The following PCDHGA5 variants were observed in gnomAD, a reference collection of about 807,000 sequenced individuals.
PCDHGA5 encodes protocadherin gamma subfamily A, 5.
A neutral mutation model predicts 56.7 loss-of-function variants in PCDHGA5; 36 were observed. The observed-to-expected ratio is 0.64, with a 90% confidence interval of 0.49 to 0.84. The LOEUF (loss-of-function observed/expected upper bound fraction) is 0.84. Among genes scored for constraint, PCDHGA5 ranks in the 40% least tolerant of loss-of-function variants. PCDHGA5 has a pLI of 0.00. For missense variants in PCDHGA5, 1,305 were observed against 1,201.5 expected, an observed-to-expected ratio of 1.09 and a Z score of -1.27; for synonymous variants, 563 against 520.2, an observed-to-expected ratio of 1.08 and a Z score of -1.12.
intron 2 of PCDHGA5, among the ~76,000 whole-genome samples, chr5:141,499,869 G>A (rs1247615457): frequency 3.3e-5 from 5 of 151,938 alleles, no homozygotes; most frequent in Non-Finnish European, 5.9e-5. Context: ...TGTATTTTCA[G>A]TACAAACAGG....
At chr5:141,443,126 A>G (rs972396091) in intron 1 of PCDHGA5, among the ~76,000 whole-genome samples, 1 of 152,190 alleles carries the variant, frequency 6.6e-6, no homozygotes, top group Non-Finnish European at 1.5e-5. Context: ...AACCAGATTA[A>G]GAACACTATC....
intron 1 of PCDHGA5, chr5:141,392,941 C>T (rs780347240): frequency 6.2e-7 from 1 of 1,613,940 alleles, no homozygotes. Context: ...GACAAAGGCT[C>T]CTTCGTGGGT....
chr5:141,415,521 G>T lies in PCDHGA5; in HGVS notation c.2421+48770G>T, dbSNP rs1357538686. 2.5e-6 allele frequency: 4 copies of T among 1,614,070 alleles called. No individual in the cohort carries two copies. The African/African-American group carries it at 5.3e-5, about 22-fold the overall frequency. Reference sequence around the variant, plus strand: ...TCCCCCAGCCCAATTATGCGGACACGCTCATCAGCCAGGAGAGCTGTGAGA... The same window carrying T: ...TCCCCCAGCCCAATTATGCGGACACTCTCATCAGCCAGGAGAGCTGTGAGA... On this transcript the variant is annotated intron_variant, in intron 1 of 3. Coordinates refer to ENST00000518069, the MANE Select transcript of PCDHGA5 (RefSeq NM_018918.3).
chr5:141,426,310 A>G, intron 1 of PCDHGA5: 1 of 173,588 alleles, frequency 5.8e-6, no homozygotes. Context: ...GAAGCAGAGA[A>G]GCAGGACCCG....
Position 141,388,565 on chromosome 5 carries a change from G to C in PCDHGA5, c.2421+21814G>C, listed in dbSNP as rs149167054. ...CTCCACCCCTAAGCAGCACTGCACAGATACACGTTCTAGTGACTGATGCCA... is the reference window on the plus strand; with the variant it reads ...CTCCACCCCTAAGCAGCACTGCACACATACACGTTCTAGTGACTGATGCCA... On this transcript the variant is annotated intron_variant, in intron 1 of 3. Transcript: ENST00000518069. The C allele has an allele frequency of 1.1e-3, 1,717 of 1,613,854 alleles. 24 individuals carry two copies. The highest frequency in any genetic ancestry group is 4.6e-4 in the Non-Finnish European group (537 of 1,179,878).
At chr5:141,496,172 T>C (rs942740022) in intron 2 of PCDHGA5, among the ~76,000 whole-genome samples, 1 of 151,672 alleles carries the variant, frequency 6.6e-6, no homozygotes, top group Non-Finnish European at 1.5e-5. Context: ...CACCCTCCCA[T>C]CCAAGCAGCC....
At chr5:141,387,608 G>C (rs562428819) in intron 1 of PCDHGA5, 221 of 551,402 alleles carry the variant, frequency 4.0e-4, no homozygotes, top group Non-Finnish European at 6.6e-4. Context: ...AGAGGCTGTA[G>C]TTTCCTAGTG....
intron 2 of PCDHGA5, among the ~76,000 whole-genome samples, chr5:141,505,092 G>A (rs965653546): frequency 5.9e-5 from 9 of 152,170 alleles, no homozygotes; most frequent in African/African-American, 2.2e-4. Flanking sequence ...AACCCAGGAG[G>A]TGGATGTTGC....
intron 1 of PCDHGA5, chr5:141,394,651 A>G: frequency 6.2e-7 from 1 of 1,611,802 alleles, no homozygotes; most frequent in Admixed American, 1.7e-5. Flanking sequence ...AAGGCCAGCG[A>G]GCCGGGACTC....
chr5:141,371,565 C>A (rs373548501), intron 1 of PCDHGA5: 57 of 1,613,742 alleles, frequency 3.5e-5, no homozygotes, highest in Non-Finnish European at 4.6e-5. Context: ...AGGAAACTTC[C>A]CCTTTAAAAT....
At chr5:141,445,188 GTATTCTA>G (rs1223900471) in intron 1 of PCDHGA5, among the ~76,000 whole-genome samples, 1 of 152,080 alleles carries the variant, frequency 6.6e-6, no homozygotes, top group Non-Finnish European at 1.5e-5. Context: ...ATGTTTTTAT[GTATTCTA>G]TATGCTTTTG....
intron 1 of PCDHGA5, among the ~76,000 whole-genome samples, chr5:141,434,054 C>T (rs1241950753): frequency 6.6e-6 from 1 of 152,094 alleles, no homozygotes; most frequent in Non-Finnish European, 1.5e-5. Flanking sequence ...ATTCAATGGC[C>T]TGTAATCTGT....
intron 1 of PCDHGA5, chr5:141,385,485 A>T: frequency 2.8e-6 from 4 of 1,418,146 alleles, no homozygotes; most frequent in Non-Finnish European, 3.7e-6. Flanking sequence ...AATATAGAAC[A>T]CATAGGATAT....
chr5:141,389,504 C>A (rs564944158), intron 1 of PCDHGA5: 1 of 1,613,088 alleles, frequency 6.2e-7, no homozygotes, highest in African/African-American at 1.3e-5. Flanking sequence ...CGCCAGCGCT[C>A]AGCGCGAACG....
chr5:141,473,254 T>C (rs1203765731), intron 1 of PCDHGA5, among the ~76,000 whole-genome samples: 5 of 152,152 alleles, frequency 3.3e-5, no homozygotes, highest in African/African-American at 4.8e-5. Context: ...ACATATATAG[T>C]CCTTAGTGTA....
At chr5:141,433,347 C>T (rs1207853986) in intron 1 of PCDHGA5, 3 of 626,596 alleles carry the variant, frequency 4.8e-6, no homozygotes, top group Non-Finnish European at 8.3e-6. Context: ...GTGCAAGCCA[C>T]CTACTGTCTG....
intron 2 of PCDHGA5, among the ~76,000 whole-genome samples, chr5:141,498,601 G>A (rs2099784606): frequency 6.6e-6 from 1 of 152,126 alleles, no homozygotes; most frequent in African/African-American, 2.4e-5. Flanking sequence ...CTTGGTTCAA[G>A]TTCAAGTCAG....
rs1561728654 is a variant in PCDHGA5, at chr5:141,410,479, G to C, written c.2421+43728G>C. 3.7e-6 allele frequency: 6 copies of C among 1,613,838 alleles called. No homozygotes were observed. In the African/African-American group the frequency reaches 8.0e-5, roughly 22 times the overall value. ...CTTATAATCTGTGCATTGCACATAC[G>C]GGTACAAAAGAGTTTAATTTCCTAA... On this transcript the variant is annotated intron_variant, in intron 1 of 3. Coordinates refer to ENST00000518069, the MANE Select transcript of PCDHGA5 (RefSeq NM_018918.3).
At chr5:141,388,112 C>T (rs1399745232) in intron 1 of PCDHGA5, 1 of 1,408,080 alleles carries the variant, frequency 7.1e-7, no homozygotes, top group South Asian at 1.2e-5. Flanking sequence ...CTTACTTCAC[C>T]GTGAGCGCAG....
Sources: gnomAD v4.1 joint callset for allele counts (sites outside exome capture counted in the v4.1 genomes callset) on GRCh38, gnomAD v4.1.1 for gene constraint, MANE v1.5 for transcripts, NCBI Gene and HGNC (gene_info 2026-07-23, HGNC 2026-07-21) for gene names.